Variants in WDHD1 observed in about 807,000 individuals in gnomAD.
WDHD1 encodes WD repeat and HMG-box DNA-binding protein 1.
A neutral mutation model predicts 135.4 loss-of-function variants in WDHD1; 111 were observed. That is an observed-to-expected ratio of 0.82 (90% CI 0.70 to 0.96). WDHD1 has a LOEUF of 0.96. Among genes scored for constraint, WDHD1 ranks in the 40% least tolerant of loss-of-function variants. The pLI, the probability that WDHD1 is intolerant of heterozygous loss-of-function variation, is 0.00. For synonymous variants in WDHD1, 434 were observed against 439.0 expected (o/e 0.99, Z 0.14); for missense variants, 1,351 against 1,336.3 (o/e 1.01, Z -0.17).
chr14:55,026,872 A>G, intron 1 of WDHD1, 69 bp from the exon 2 acceptor site: 2 of 1,495,014 alleles, frequency 1.3e-6, no homozygotes, highest in Non-Finnish European at 1.9e-6. Flanking sequence ...AGGGATAGGA[A>G]GAGAGCTTAG....
intron 24 of WDHD1, among the ~76,000 whole-genome samples, chr14:54,951,664 T>A (rs1020513843): frequency 6.6e-6 from 1 of 152,290 alleles, no homozygotes; most frequent in Admixed American, 6.5e-5. Flanking sequence ...GCCAGCATCA[T>A]CCTGATACCA....
At chr14:54,944,294 A>G (rs1464030188) in intron 25 of WDHD1, 38 bp downstream of exon 25, 8 of 1,595,708 alleles carry the variant, frequency 5.0e-6, no homozygotes, top group Non-Finnish European at 6.8e-6. Flanking sequence ...AAATCTGGGA[A>G]TTCACTAAGA....
intron 24 of WDHD1, among the ~76,000 whole-genome samples, chr14:54,944,807 C>T (rs1270328295): frequency 6.6e-6 from 1 of 151,784 alleles, no homozygotes; most frequent in African/African-American, 2.4e-5. Flanking sequence ...GGGGTTTCAC[C>T]ATGTTGGTCA....
At chr14:55,024,305 C>A (rs2042396725) in intron 2 of WDHD1, among the ~76,000 whole-genome samples, 1 of 152,196 alleles carries the variant, frequency 6.6e-6, no homozygotes, top group Non-Finnish European at 1.5e-5. Context: ...AACTCAATCT[C>A]CACCCACAGC....
chr14:54,998,758 C>T (rs1206827372), intron 10 of WDHD1, among the ~76,000 whole-genome samples: 1 of 152,100 alleles, frequency 6.6e-6, no homozygotes, highest in African/African-American at 2.4e-5. Context: ...TACTCTCCGA[C>T]CCCAATTCTC....
At chr14:54,984,597 T>C (rs2041668174) in intron 15 of WDHD1, 126 bp downstream of exon 15, 2 of 851,966 alleles carry the variant, frequency 2.3e-6, no homozygotes, top group Non-Finnish European at 3.2e-6. Context: ...AATAGAAATT[T>C]AAAATATAAA....
chr14:54,952,840 T>C (rs889290607), intron 24 of WDHD1, among the ~76,000 whole-genome samples: 1 of 152,160 alleles, frequency 6.6e-6, no homozygotes, highest in Non-Finnish European at 1.5e-5. Flanking sequence ...AACCATCTGA[T>C]CTTTGACAAA....
chr14:54,972,534 C>T (rs549728808), intron 16 of WDHD1, among the ~76,000 whole-genome samples: 1 of 76,242 alleles, frequency 1.3e-5, no homozygotes, highest in South Asian at 5.0e-4. Flanking sequence ...CCAGCCTGGG[C>T]AATAAAGCAA....
chr14:54,993,167 G>A (rs549597146), intron 11 of WDHD1, among the ~76,000 whole-genome samples: 1 of 152,030 alleles, frequency 6.6e-6, no homozygotes, highest in African/African-American at 2.4e-5. Context: ...ACCCTGCCTG[G>A]AGCCCACTGT....
At position 55,000,551 on chromosome 14, in the gene WDHD1, C is replaced by T. The variant is rs1458161629; in HGVS notation, c.894G>A (p.Gly298=). ...TGGGGTCACAAACATTCTCTAGAAGCCCTAGATTTCCTTCCGCATCAGTAT... is the reference window on the plus strand; with the variant it reads ...TGGGGTCACAAACATTCTCTAGAAGTCCTAGATTTCCTTCCGCATCAGTAT... ...ISYTDAEGNL[G]LLENVCDPSG... is the part of the protein sequence containing the mutation. The change falls in exon 10 of 26, where the codon GGG becomes GGA. Residue 298 remains glycine, a synonymous_variant. Transcript: ENST00000360586. The T allele has an allele frequency of 6.2e-7, 1 of 1,608,342 alleles. No homozygotes were observed.
intron 12 of WDHD1, 31 bp downstream of exon 12, chr14:54,991,182 C>T: frequency 7.8e-7 from 1 of 1,277,604 alleles, no homozygotes; most frequent in South Asian, 1.3e-5. Flanking sequence ...TGAAAACCTA[C>T]TAAGAAGTTA....
At chr14:54,972,356 T>C (rs2041449977) in intron 16 of WDHD1, among the ~76,000 whole-genome samples, 2 of 150,212 alleles carry the variant, frequency 1.3e-5, no homozygotes, top group African/African-American at 4.9e-5. Context: ...GGCAGGCAGA[T>C]CACTTGAGGC....
chr14:54,980,802 TAAAAAA>T (rs375441329), intron 16 of WDHD1, among the ~76,000 whole-genome samples: 3 of 83,626 alleles, frequency 3.6e-5, no homozygotes, highest in African/African-American at 1.4e-4. Context: ...AGACTCCACA[TAAAAAA>T]AAAAAAAAAA....
At chr14:55,009,457 A>G (rs2042128569) in intron 4 of WDHD1, among the ~76,000 whole-genome samples, 1 of 150,028 alleles carries the variant, frequency 6.7e-6, no homozygotes, top group Non-Finnish European at 1.5e-5. Context: ...TTTGAGACAG[A>G]GTTTCACTCT....
At chr14:54,953,089 C>A (rs1443752786) in intron 24 of WDHD1, among the ~76,000 whole-genome samples, 1 of 152,002 alleles carries the variant, frequency 6.6e-6, no homozygotes, top group Admixed American at 6.6e-5. Flanking sequence ...TCTAAAACAC[C>A]AAAAGCAATG....
chr14:55,021,586 A>AT, intron 2 of WDHD1, among the ~76,000 whole-genome samples: 1 of 152,244 alleles, frequency 6.6e-6, no homozygotes, highest in East Asian at 1.9e-4. Flanking sequence ...GGGTCTCATC[A>AT]TGTTGGCCAG....
At chr14:55,005,572 A>G in intron 7 of WDHD1, 1 of 601,858 alleles carries the variant, frequency 1.7e-6, no homozygotes, top group South Asian at 1.4e-5. Context: ...TTTTCCTTTT[A>G]TAGATGTACT....
At position 54,941,906 on chromosome 14, in the gene WDHD1, T is replaced by C. The variant is rs562822550; in HGVS notation, c.3190-216A>G. ...TTTTATATCTCAATCTAAGCTTTGC[T>C]TATATTAATCATATTAGTTGCAAAA... On this transcript the variant is annotated intron_variant, in intron 25 of 25. Coordinates refer to ENST00000360586, the MANE Select transcript of WDHD1 (RefSeq NM_007086.4). Among the ~76,000 whole-genome samples, 20 of 152,330 alleles carry C rather than the reference T, an allele frequency of 1.3e-4. 1 individual carries two copies. In the South Asian group the frequency reaches 3.9e-3, roughly 30 times the overall value.
intron 21 of WDHD1, among the ~76,000 whole-genome samples, chr14:54,960,468 T>A (rs1307930244): frequency 6.6e-6 from 1 of 151,152 alleles, no homozygotes; most frequent in African/African-American, 2.4e-5. Context: ...ACGCCCAGCT[T>A]GTAGTCTCTT....
Sources: allele counts gnomAD v4.1 joint callset (sites outside exome capture counted in the v4.1 genomes callset), GRCh38; gene constraint gnomAD v4.1.1; transcripts MANE v1.5; gene names NCBI Gene and HGNC (gene_info 2026-07-23, HGNC 2026-07-21).